Variants in SLC5A5 observed in about 807,000 individuals in gnomAD.
SLC5A5 encodes the protein sodium/iodide cotransporter.
A neutral mutation model predicts 68.6 loss-of-function variants in SLC5A5; 56 were observed. The observed-to-expected ratio is 0.82, with a 90% CI of 0.66 to 1.02. The LOEUF (loss-of-function observed/expected upper bound fraction) is 1.02. SLC5A5 is among the 50% of genes least tolerant of loss of function. The pLI is 0.00. For synonymous variants in SLC5A5, 398 were observed against 373.0 expected (o/e 1.07, Z -0.77); for missense variants, 807 against 859.8 (o/e 0.94, Z 0.77).
intron 7 of SLC5A5, 113 bp downstream of exon 7, chr19:17,878,206 A>G: frequency 3.8e-6 from 5 of 1,308,416 alleles, no homozygotes; most frequent in Non-Finnish European, 5.4e-6. Flanking sequence ...GCCAAGAAGT[A>G]GGAAAGAGCT....
Position 17,874,740 on chromosome 19 carries a change from C to T in SLC5A5, c.543+9C>T. 1 of 1,613,688 alleles carries T rather than the reference C, an allele frequency of 6.2e-7. No homozygotes were observed. Among genetic ancestry groups the T allele is most frequent in the Non-Finnish European group, 8.5e-7 (1 of 1,179,632 alleles). On this transcript the variant is annotated intron_variant, in intron 4 of 14. Coordinates refer to ENST00000222248, the MANE Select transcript of SLC5A5 (RefSeq NM_000453.3). Reference sequence around the variant, plus strand: ...CCTTCTACACGGCTGTGGTGAGTGGCCCTGGGAACTCACTCCATACGGGGG... The same window carrying T: ...CCTTCTACACGGCTGTGGTGAGTGGTCCTGGGAACTCACTCCATACGGGGG...
At chr19:17,883,524 G>T (rs112211542) in intron 10 of SLC5A5, among the ~76,000 whole-genome samples, 157 bp from the exon 11 acceptor site, 1 of 137,146 alleles carries the variant, frequency 7.3e-6, no homozygotes, top group East Asian at 2.0e-4. Flanking sequence ...CAGGAACAAG[G>T]GGGGGGGGTC....
Position 17,883,674 on chromosome 19 carries a change from C to G in SLC5A5, c.1243-7C>G, listed in dbSNP as rs1470534225. On this transcript the variant is annotated splice_polypyrimidine_tract_variant and splice_region_variant and intron_variant, in intron 10 of 14. Coordinates refer to ENST00000222248, the MANE Select transcript of SLC5A5 (RefSeq NM_000453.3). ...GCCCTCAGCCCCACTTCCACCTACT[C>G]TCCCAGGGCTCCTTCACCGTCATGG... 3.7e-6 allele frequency: 6 copies of G among 1,612,428 alleles called. No individual in the cohort carries two copies. In the African/African-American group the frequency reaches 6.7e-5, roughly 18 times the overall value.
At position 17,892,695 on chromosome 19, in the gene SLC5A5, A is replaced by AGAGAGCGAGC. The variant is rs528009112; in HGVS notation, c.1768-1015_1768-1014insAGCGAGCGAG. Among the ~76,000 whole-genome samples, 7 of 148,722 alleles carry AGAGAGCGAGC rather than the reference A, an allele frequency of 4.7e-5. No individual in the cohort carries two copies. The East Asian group carries it at 8.8e-4, about 19-fold the overall frequency. ...GAGAGAGAGAGAGAGAGAGAGAGAG[A>AGAGAGCGAGC]GAGCAAGCTAAAAAGAAAAACGTGT... On this transcript the variant is annotated intron_variant, in intron 14 of 14. Transcript: ENST00000222248.
At chr19:17,873,286 C>G (rs1031867294) in intron 1 of SLC5A5, among the ~76,000 whole-genome samples, 1 of 151,884 alleles carries the variant, frequency 6.6e-6, no homozygotes, top group African/African-American at 2.4e-5. Context: ...CATGGCGAAA[C>G]CCCGTCTCTA....
intron 8 of SLC5A5, 119 bp from the exon 9 acceptor site, chr19:17,881,841 C>T (rs1009685015): frequency 1.3e-6 from 1 of 757,156 alleles, no homozygotes; most frequent in Non-Finnish European, 2.3e-6. Context: ...TCTCCTTCAC[C>T]TTTGCAGGAC....
At chr19:17,890,739 G>C (rs2030132854) in intron 13 of SLC5A5, 147 bp from the exon 14 acceptor site, 11 of 681,392 alleles carry the variant, frequency 1.6e-5, no homozygotes, top group South Asian at 1.6e-4. Context: ...CTGAGGCTCA[G>C]AGGCTTGCCA....
At chr19:17,875,533 TAGG>T (rs1204150376) in intron 4 of SLC5A5, among the ~76,000 whole-genome samples, 4 of 151,110 alleles carry the variant, frequency 2.6e-5, no homozygotes, top group Non-Finnish European at 4.4e-5. Context: ...GAGGCCAAGG[TAGG>T]AGGATCACTT....
At chr19:17,873,614 G>A (rs774715593) in intron 1 of SLC5A5, among the ~76,000 whole-genome samples, 1 of 151,976 alleles carries the variant, frequency 6.6e-6, no homozygotes, top group Non-Finnish European at 1.5e-5. Context: ...AAATTAGCCG[G>A]GCATGGTCGC....
intron 2 of SLC5A5, 96 bp downstream of exon 2, chr19:17,874,299 C>A: frequency 1.2e-6 from 1 of 821,538 alleles, no homozygotes; most frequent in Non-Finnish European, 2.0e-6. Flanking sequence ...CCAGACCCCG[C>A]CCCCCATGCT....
intron 10 of SLC5A5, among the ~76,000 whole-genome samples, 180 bp downstream of exon 10, chr19:17,882,399 G>A (rs942574308): frequency 1.1e-4 from 17 of 151,236 alleles, no homozygotes; most frequent in Non-Finnish European, 2.1e-4. Context: ...GCAGAGGCCC[G>A]ATCATAGCTC....
chr19:17,872,817 C>T, intron 1 of SLC5A5, 141 bp downstream of exon 1: 1 of 651,754 alleles, frequency 1.5e-6, no homozygotes, highest in East Asian at 2.7e-5. Flanking sequence ...GGCCCCTAGG[C>T]AGACACGTGG....
chr19:17,878,974 CA>C (rs1368928380), intron 7 of SLC5A5, among the ~76,000 whole-genome samples: 35 of 47,940 alleles, frequency 7.3e-4, no homozygotes, highest in East Asian at 4.2e-3. Context: ...GACTCCATCT[CA>C]AAAAAAAAAA....
At chr19:17,892,992 CTCT>C (rs1035702537) in intron 14 of SLC5A5, among the ~76,000 whole-genome samples, 2 of 141,810 alleles carry the variant, frequency 1.4e-5, no homozygotes, top group African/African-American at 5.1e-5. Flanking sequence ...CTTTTCCTTT[CTCT>C]TCTTTTCTTT....
At position 17,872,314 on chromosome 19, in the gene SLC5A5, G is replaced by C. The variant is rs764570350; in HGVS notation, c.-6G>C. On this transcript the variant is annotated 5_prime_UTR_variant, in exon 1 of 15. Coordinates refer to ENST00000222248, the MANE Select transcript of SLC5A5 (RefSeq NM_000453.3). ...GAGGACGCGCTGGGCCTCCGCACCCGCCCTCATGGAGGCCGTGGAGACCGG... is the reference window on the plus strand; with the variant it reads ...GAGGACGCGCTGGGCCTCCGCACCCCCCCTCATGGAGGCCGTGGAGACCGG... 2.2e-6 allele frequency: 3 copies of C among 1,333,892 alleles called. No homozygotes were observed. Among genetic ancestry groups the C allele is most frequent in the Non-Finnish European group, 3.0e-6 (3 of 1,009,626 alleles). The allele number at this position is 1,333,892 out of a possible 1,614,324, so 82.6% of individuals were successfully genotyped here. A position where few individuals can be genotyped will look rare whatever the true frequency, so the allele number is the denominator to read the frequency against.
intron 8 of SLC5A5, 77 bp from the exon 9 acceptor site, chr19:17,881,883 G>C: frequency 8.8e-7 from 1 of 1,138,106 alleles, no homozygotes; most frequent in Non-Finnish European, 1.3e-6. Flanking sequence ...CTCAGGCTGG[G>C]TGAGGTCTGG....
chr19:17,893,303 A>G (rs1057056232), intron 14 of SLC5A5, among the ~76,000 whole-genome samples: 1 of 151,780 alleles, frequency 6.6e-6, no homozygotes, highest in Non-Finnish European at 1.5e-5. Flanking sequence ...GGGTTTTGCC[A>G]TATTGGCCAG....
chr19:17,879,918 G>C (rs77260807), intron 7 of SLC5A5, among the ~76,000 whole-genome samples: 2 of 136,942 alleles, frequency 1.5e-5, no homozygotes, highest in African/African-American at 5.5e-5. Flanking sequence ...TTTTTTTTTT[G>C]AGCCAGAGTC....
Position 17,876,097 on chromosome 19 carries a change from ACC to A in SLC5A5, c.690_691del (p.Leu231HisfsTer4). ...CTGGCCCAGAACCACTCCCGGATCA[ACC>A]TCATGGAGTGAGTGAAAATGCAGAG... is the stretch of plus-strand genomic sequence containing the variant. On this transcript the variant is annotated frameshift_variant, in exon 5 of 15. Coordinates refer to ENST00000222248, the MANE Select transcript of SLC5A5 (RefSeq NM_000453.3). 6.2e-7 allele frequency: 1 copy of A among 1,614,078 alleles called. No homozygotes were observed.
Sources: gnomAD v4.1 joint callset for allele counts (sites outside exome capture counted in the v4.1 genomes callset) on GRCh38, gnomAD v4.1.1 for gene constraint, MANE v1.5 for transcripts, NCBI Gene and HGNC (gene_info 2026-07-23, HGNC 2026-07-21) for gene names.